Variants in DAZAP1 observed in about 807,000 individuals in gnomAD.
The protein encoded by DAZAP1 is DAZ-associated protein 1.
In DAZAP1, 6 loss-of-function variants were observed where a neutral mutation model predicts 60.1. That is an observed-to-expected ratio of 0.10 (90% CI 0.05 to 0.20). DAZAP1 has a LOEUF of 0.20. DAZAP1 is among the 10% of genes least tolerant of loss of function. The pLI, the probability that DAZAP1 is intolerant of heterozygous loss-of-function variation, is 1.00. For synonymous variants in DAZAP1, 235 were observed against 215.9 expected (o/e 1.09, Z -0.78); for missense variants, 366 against 560.4 (o/e 0.65, Z 3.50).
chr19:1,422,752 G>A lies in DAZAP1; in HGVS notation c.463+356G>A, dbSNP rs1363826918. On this transcript the variant is annotated intron_variant, in intron 6 of 11. Coordinates refer to ENST00000233078, the MANE Select transcript of DAZAP1 (RefSeq NM_018959.4). The surrounding 1 kb of genome is among the most constrained non-coding windows in gnomAD (Gnocchi z 4.5). ...CTCCCAGTGTGGCCGGTCTCATTTC[G>A]TGTCGTCAGCTGGGTCAGCTGGCTC... Among the ~76,000 whole-genome samples, 1 of 151,968 alleles carries A rather than the reference G, an allele frequency of 6.6e-6. No homozygotes were observed. Among genetic ancestry groups the A allele is most frequent in the East Asian group, 1.9e-4 (1 of 5,194 alleles).
At chr19:1,419,554 T>C (rs2083085947) in intron 4 of DAZAP1, among the ~76,000 whole-genome samples, 1 of 152,218 alleles carries the variant, frequency 6.6e-6, no homozygotes, top group Admixed American at 6.5e-5. Context: ...TCCCGTGTCA[T>C]CTGTGTCCAG....
intron 4 of DAZAP1, among the ~76,000 whole-genome samples, chr19:1,420,691 A>G (rs1470125216): frequency 5.3e-5 from 8 of 152,190 alleles, no homozygotes; most frequent in Non-Finnish European, 1.0e-4. Context: ...TGTTTCACAC[A>G]GCTCTTGAGC....
chr19:1,429,448 G>T (rs1012371247), intron 8 of DAZAP1, among the ~76,000 whole-genome samples: 2 of 152,190 alleles, frequency 1.3e-5, no homozygotes, highest in African/African-American at 4.8e-5. Flanking sequence ...TTAGGCCCAC[G>T]TTGTGGGCCG....
At chr19:1,408,784 G>T (rs1009575693) in intron 1 of DAZAP1, among the ~76,000 whole-genome samples, 3 of 152,232 alleles carry the variant, frequency 2.0e-5, no homozygotes, top group Admixed American at 2.0e-4. Context: ...ACCTCATTTC[G>T]CTGTGCCCCA....
chr19:1,407,997 G>C (rs2082713570), intron 1 of DAZAP1, among the ~76,000 whole-genome samples, 195 bp downstream of exon 1: 1 of 149,424 alleles, frequency 6.7e-6, no homozygotes, highest in African/African-American at 2.5e-5. Context: ...GGGGGTCCTG[G>C]CGCCCCCGCC....
intron 1 of DAZAP1, among the ~76,000 whole-genome samples, chr19:1,415,301 C>T (rs984330870): frequency 2.0e-5 from 3 of 148,276 alleles, no homozygotes; most frequent in Admixed American, 2.0e-4. Context: ...GTGCTGACTA[C>T]AGGCTGCTGT....
intron 4 of DAZAP1, among the ~76,000 whole-genome samples, chr19:1,419,565 G>A (rs1212747925): frequency 1.3e-5 from 2 of 152,318 alleles, no homozygotes; most frequent in East Asian, 3.9e-4. Flanking sequence ...CTGTGTCCAG[G>A]CCGTGTTCCC....
chr19:1,412,197 G>A (rs1218159008), intron 1 of DAZAP1, among the ~76,000 whole-genome samples: 2 of 152,172 alleles, frequency 1.3e-5, no homozygotes, highest in African/African-American at 4.8e-5. Flanking sequence ...CCCACACCCT[G>A]CAGGCGTGGG....
intron 8 of DAZAP1, 108 bp from the exon 9 acceptor site, chr19:1,429,859 G>A: frequency 7.3e-7 from 1 of 1,372,174 alleles, no homozygotes; most frequent in Non-Finnish European, 1.0e-6. Context: ...AAGCACAGGA[G>A]GCTCCGGGGT....
chr19:1,423,779 T>C lies in DAZAP1; in HGVS notation c.463+1383T>C, dbSNP rs1469547579. 6.6e-6 allele frequency among the ~76,000 whole-genome samples: 1 copy of C among 152,268 alleles called. No individual in the cohort carries two copies. The highest frequency in any genetic ancestry group is 1.5e-5 in the Non-Finnish European group (1 of 68,036). ...CGCGCGGGAATCTGAGGGTTGCTTC[T>C]AGATCCTCCCGGTCCCCCTCCGGCT... is the stretch of plus-strand genomic sequence containing the variant. On this transcript the variant is annotated intron_variant, in intron 6 of 11. Coordinates refer to ENST00000233078, the MANE Select transcript of DAZAP1 (RefSeq NM_018959.4). The surrounding 1 kb of genome is among the most constrained non-coding windows in gnomAD (Gnocchi z 6.8).
At chr19:1,424,332 C>CCCTCCCCCTCCT (rs1401432569) in intron 6 of DAZAP1, among the ~76,000 whole-genome samples, 1 of 119,868 alleles carries the variant, frequency 8.3e-6, no homozygotes, top group Non-Finnish European at 1.8e-5. Context: ...CTCCTCTTCC[C>CCCTCCCCCTCCT]CCTCCCCCTC....
chr19:1,414,115 A>C (rs138778549), intron 1 of DAZAP1, among the ~76,000 whole-genome samples: 1 of 151,520 alleles, frequency 6.6e-6, no homozygotes, highest in Non-Finnish European at 1.5e-5. Flanking sequence ...TCCCGGGTTC[A>C]AGCAGTACAC....
In DAZAP1 at chr19:1,434,812, G is replaced by T. The variant is rs143612423; in HGVS notation, c.1124G>T (p.Gly375Val). ...DPSQQPPSYGGPSVPGSGGPP... is the reference protein window; with the variant it reads ...DPSQQPPSYGVPSVPGSGGPP... ...AGCCAGCAGCCTCCTTCCTACGGGG[G>T]TCCCTCCGTGCCAGGGTCGGGGGGC... Residue 375 changes from glycine (G) to valine (V), a missense_variant, in exon 12 of 12, where the codon GGT (glycine) becomes GTT (valine). Physicochemically the swap from Gly to Val is moderately radical, Grantham distance 109. Transcript: ENST00000233078. The surrounding 1 kb of genome is among the most constrained non-coding windows in gnomAD (Gnocchi z 8.0). 1.2e-6 allele frequency: 2 copies of T among 1,611,436 alleles called. No individual in the cohort carries two copies. The highest frequency in any genetic ancestry group is 1.1e-5 in the South Asian group (1 of 90,940).
In DAZAP1 at chr19:1,424,980, C is replaced by A. The variant is rs1239884848; in HGVS notation, c.464-898C>A. 3.3e-5 allele frequency among the ~76,000 whole-genome samples: 5 copies of A among 152,220 alleles called. No individual in the cohort carries two copies. In the East Asian group the frequency reaches 9.7e-4, roughly 29 times the overall value. On this transcript the variant is annotated intron_variant, in intron 6 of 11. Transcript: ENST00000233078. ...CCCCGTTAGCCGGGGGCCGCGCCCA[C>A]CCCAGACCCACTAAACTTCGTTTAT... is the stretch of plus-strand genomic sequence containing the variant.
Position 1,435,219 on chromosome 19 carries a change from T to A in DAZAP1, c.*307T>A. 5.4e-6 allele frequency: 1 copy of A among 185,340 alleles called. No homozygotes were observed. Among genetic ancestry groups the A allele is most frequent in the Non-Finnish European group, 1.1e-5 (1 of 89,416 alleles). 11.5% of individuals were successfully genotyped at this position (185,340 alleles called of 1,614,324 possible). ...TCCTTTTTTTTGGAAATTATTTTCC[T>A]GAGCCTTTTGTTTTACGGTATATTG... is the stretch of plus-strand genomic sequence containing the variant. On this transcript the variant is annotated 3_prime_UTR_variant, in exon 12 of 12. Transcript: ENST00000233078.
chr19:1,412,203 G>A (rs914828535), intron 1 of DAZAP1, among the ~76,000 whole-genome samples: 1 of 152,140 alleles, frequency 6.6e-6, no homozygotes, highest in African/African-American at 2.4e-5. Context: ...CCCTGCAGGC[G>A]TGGGCTGGAG....
chr19:1,430,483 T>C, intron 10 of DAZAP1, 121 bp downstream of exon 10: 1 of 933,114 alleles, frequency 1.1e-6, no homozygotes, highest in Non-Finnish European at 1.5e-6. Context: ...GGGTGCCGGC[T>C]GGTCAGCAGG....
intron 10 of DAZAP1, among the ~76,000 whole-genome samples, chr19:1,431,561 C>A (rs557195208): frequency 6.6e-6 from 1 of 152,128 alleles, no homozygotes; most frequent in Non-Finnish European, 1.5e-5. Flanking sequence ...TCCTGAGTAG[C>A]TGGGATTACA....
rs61735591 is a variant in DAZAP1, at chr19:1,434,843, C to T, written c.1155C>T (p.Pro385=). The T allele has an allele frequency of 0.045, 71,908 of 1,604,086 alleles. 1,906 individuals carry two copies. The highest frequency in any genetic ancestry group is 0.075 in the South Asian group (6,789 of 90,394). Residue 385 remains proline (P), a synonymous_variant, in exon 12 of 12, where the codon CCC becomes CCT. Transcript: ENST00000233078. The surrounding 1 kb of genome is among the most constrained non-coding windows in gnomAD (Gnocchi z 8.0). ...CCGTGCCAGGGTCGGGGGGCCCCCC[C>T]GCCGGCGGCAGCGGCTTTGGACGAG... is the stretch of plus-strand genomic sequence containing the variant. The part of the protein sequence containing the change: ...GPSVPGSGGP[P]AGGSGFGRGQ...
Sources: allele counts gnomAD v4.1 joint callset (sites outside exome capture counted in the v4.1 genomes callset), GRCh38; gene constraint gnomAD v4.1.1; non-coding constraint Gnocchi (gnomAD v3.1); transcripts MANE v1.5; gene names NCBI Gene and HGNC (gene_info 2026-07-23, HGNC 2026-07-21).